The following ZNF320 variants were observed in gnomAD, a reference collection of about 807,000 sequenced individuals.
ZNF320 encodes zinc finger gene 320.
Under a neutral mutation model 6.8 loss-of-function variants are expected in ZNF320, and 2 were observed. The observed-to-expected ratio is 0.29, with a 90% CI of 0.12 to 0.93. ZNF320 has a LOEUF of 0.93. Among genes scored for constraint, ZNF320 ranks in the 40% least tolerant of loss-of-function variants. The pLI is 0.55. For synonymous variants in ZNF320, 208 were observed against 203.2 expected (o/e 1.02, Z -0.20); for missense variants, 472 against 611.0 (o/e 0.77, Z 2.40).
upstream of ZNF320, among the ~76,000 whole-genome samples, chr19:52,899,678 G>A (rs1314308895): frequency 6.6e-6 from 1 of 152,110 alleles, no homozygotes; most frequent in Non-Finnish European, 1.5e-5. Flanking sequence ...AGCCAGGATG[G>A]TCTTGATCTC....
chr19:52,866,089 TTTATATATGTATG>T lies in ZNF320; in HGVS notation c.224-1943_224-1931del, dbSNP rs2063562275. Among the ~76,000 whole-genome samples, 2 of 63,964 alleles carry T rather than the reference TTTATATATGTATG, an allele frequency of 3.1e-5. 1 individual carries two copies. The highest frequency in any genetic ancestry group is 6.2e-5 in the Non-Finnish European group (2 of 32,030). The allele number at this position is 63,964 out of a possible 152,430, so 42.0% of individuals were successfully genotyped here. ...ATTTATATATATGATTATACATATA[TTTATATATGTATG>T]ATTATACATATATTTATATATGTAT... On this transcript the variant is annotated intron_variant, in intron 5 of 5. Transcript: ENST00000673631.
upstream of ZNF320, among the ~76,000 whole-genome samples, chr19:52,901,859 T>A (rs7246074): frequency 0.8 from 121,667 of 152,100 alleles, 49,194 homozygotes; most frequent in African/African-American, 0.91. Context: ...GTTTTGAGAG[T>A]CAGGCTACTG....
In ZNF320 at chr19:52,897,521, C is replaced by A. The variant is rs1600666758; in HGVS notation, c.-271G>T. Reference sequence around the variant, plus strand: ...TCGAAGGGACTCACGGACTCTCACCCGGACGTCTCAATTTGCTCTGGGTTG... The same window carrying A: ...TCGAAGGGACTCACGGACTCTCACCAGGACGTCTCAATTTGCTCTGGGTTG... On this transcript the variant is annotated splice_region_variant and 5_prime_UTR_variant, in exon 1 of 6. Transcript: ENST00000682928. 2.0e-5 allele frequency: 3 copies of A among 152,412 alleles called. No individual in the cohort carries two copies. The highest frequency in any genetic ancestry group is 6.5e-5 in the Admixed American group (1 of 15,298). 9.4% of individuals were successfully genotyped at this position (152,412 alleles called of 1,614,324 possible). A position where few individuals can be genotyped will look rare whatever the true frequency, so the allele number is the denominator to read the frequency against.
In ZNF320 at chr19:52,877,120, A is replaced by G. The variant is rs1422189604; in HGVS notation, c.*3476T>C. ...AGACCCATCTTTAATAGAAATGAAG[A>G]AAAAGGAAACACATGCGTCCTGGGT... is the stretch of plus-strand genomic sequence containing the variant. On this transcript the variant is annotated 3_prime_UTR_variant, in exon 6 of 6. Transcript: ENST00000682928. 1 of 152,308 alleles carries G rather than the reference A, an allele frequency of 6.6e-6. No homozygotes were observed. The highest frequency in any genetic ancestry group is 1.5e-5 in the Non-Finnish European group (1 of 68,154). The allele number at this position is 152,308 out of a possible 1,614,324, so 9.4% of individuals were successfully genotyped here.
At chr19:52,903,546 T>G in the ZNF320 span, among the ~76,000 whole-genome samples, 5 of 152,190 alleles carry the variant, frequency 3.3e-5, no homozygotes, top group Admixed American at 2.0e-4. Context: ...CAGGCTTCCT[T>G]CTGATGGCTA....
intron 5 of ZNF320, among the ~76,000 whole-genome samples, chr19:52,865,801 ATT>A (rs1462715705): frequency 8.3e-6 from 1 of 121,004 alleles, no homozygotes; most frequent in African/African-American, 3.4e-5. Flanking sequence ...ATACACATAT[ATT>A]TATATATATG....
chr19:52,898,360 G>T (rs2064533881), upstream of ZNF320, among the ~76,000 whole-genome samples: 1 of 152,128 alleles, frequency 6.6e-6, no homozygotes, highest in Non-Finnish European at 1.5e-5. Flanking sequence ...GAGGTGGCGA[G>T]TCTGGGGTCC....
chr19:52,885,845 G>A (rs952362376), intron 5 of ZNF320, among the ~76,000 whole-genome samples: 1 of 152,176 alleles, frequency 6.6e-6, no homozygotes, highest in African/African-American at 2.4e-5. Context: ...GGTGGAGGTT[G>A]TGGTGTCAAG....
chr19:52,862,732 C>A, exon 6 of ZNF320: 1 of 424,670 alleles, frequency 2.4e-6, no homozygotes, highest in Admixed American at 3.0e-5. Context: ...GCCCAAAAAC[C>A]TTTTCACAAA....
intron 5 of ZNF320, chr19:52,865,470 T>TATATG (rs1414636050): frequency 4.5e-4 from 18 of 40,350 alleles, no homozygotes; most frequent in African/African-American, 1.7e-3. Context: ...TATATATATA[T>TATATG]TACATATATA....
At chr19:52,883,611 G>A in intron 5 of ZNF320, 1 of 455,538 alleles carries the variant, frequency 2.2e-6, no homozygotes, top group Non-Finnish European at 4.4e-6. Flanking sequence ...AATAAGAATT[G>A]ACTAATGGCC....
downstream of ZNF320, among the ~76,000 whole-genome samples, chr19:52,873,452 T>C (rs372455766): frequency 5.1e-4 from 77 of 152,366 alleles, no homozygotes; most frequent in African/African-American, 1.7e-3. Flanking sequence ...TAAATCTTGA[T>C]TCAACACAGC....
At chr19:52,874,835 A>G (rs1226938775), downstream of ZNF320, among the ~76,000 whole-genome samples, 2 of 152,200 alleles carry the variant, frequency 1.3e-5, no homozygotes, top group Non-Finnish European at 2.9e-5. Context: ...TGTCACTTGC[A>G]GCTGAGGGGC....
In ZNF320 at chr19:52,890,326, A is replaced by G; in HGVS notation, c.-71T>C. The G allele has an allele frequency of 6.4e-7, 1 of 1,563,504 alleles. No individual in the cohort carries two copies. The highest frequency in any genetic ancestry group is 8.7e-7 in the Non-Finnish European group (1 of 1,149,534). The stretch of plus-strand genomic sequence containing the variant: ...AGGTACCAAGAGTCTTTAGAAGTCA[A>G]TCCTAAATGTTAGAAATATGTTGTT... On this transcript the variant is annotated splice_region_variant and 5_prime_UTR_variant, in exon 4 of 6. Coordinates refer to ENST00000682928, the MANE Select transcript of ZNF320 (RefSeq NM_001351774.2).
rs1334784759 is a variant in ZNF320 at position 52,877,589 on chromosome 19, T to C, written c.*3007A>G. ...TCGCCAGGGTGAAATTCAACAGAAC[T>C]ATTTTAGGGTGGAGATCTTGAGGTT... is the stretch of plus-strand genomic sequence containing the variant. On this transcript the variant is annotated 3_prime_UTR_variant, in exon 6 of 6. Coordinates refer to ENST00000682928, the MANE Select transcript of ZNF320 (RefSeq NM_001351774.2). 6.6e-6 allele frequency: 1 copy of C among 152,232 alleles called. No homozygotes were observed. Among genetic ancestry groups the C allele is most frequent in the Non-Finnish European group, 1.5e-5 (1 of 68,052 alleles). The allele number at this position is 152,232 out of a possible 1,614,324, so 9.4% of individuals were successfully genotyped here.
rs781465509 is a variant in ZNF320, at chr19:52,881,007, T to C, written c.1119A>G (p.Ala373=). ...CTCCAGTATGAACTCTCTGATGTTC[T>C]GCAAGACGTGAATCACTCCGGAAAG... ...DKAFRSDSRL[A]EHQRVHTGER... is the part of the protein sequence containing the mutation. Residue 373 remains alanine, a synonymous_variant, in exon 6 of 6, where the codon GCA becomes GCG. Transcript: ENST00000682928. 2 of 1,614,072 alleles carry C rather than the reference T, an allele frequency of 1.2e-6. No homozygotes were observed. The highest frequency in any genetic ancestry group is 1.7e-5 in the Admixed American group (1 of 60,006).
upstream of ZNF320, among the ~76,000 whole-genome samples, chr19:52,900,675 G>T (rs1033707186): frequency 3.3e-5 from 5 of 151,664 alleles, no homozygotes; most frequent in African/African-American, 7.3e-5. Flanking sequence ...TTTACGCTAG[G>T]ATCTAGTTTT....
chr19:52,869,607 G>C (rs2063643277), intron 5 of ZNF320, among the ~76,000 whole-genome samples: 1 of 152,026 alleles, frequency 6.6e-6, no homozygotes, highest in African/African-American at 2.4e-5. Context: ...TGTGATCTCG[G>C]CTCACTGCAA....
At chr19:52,896,077 A>G (rs1168909378) in intron 1 of ZNF320, among the ~76,000 whole-genome samples, 2 of 152,074 alleles carry the variant, frequency 1.3e-5, no homozygotes, top group African/African-American at 2.4e-5. Context: ...ATTCTACCAA[A>G]GCTTATTTGA....
Sources: gnomAD v4.1 joint callset for allele counts (sites outside exome capture counted in the v4.1 genomes callset) on GRCh38, gnomAD v4.1.1 for gene constraint, MANE v1.5 for transcripts, NCBI Gene and HGNC (gene_info 2026-07-23, HGNC 2026-07-21) for gene names.